Variants in FMO2 observed in about 807,000 individuals in gnomAD.
FMO2 encodes the protein flavin containing dimethylaniline monoxygenase 2.
Under a neutral mutation model 41.6 loss-of-function variants are expected in FMO2, and 33 were observed. The ratio of observed to expected loss-of-function variants is 0.79; its 90% CI spans 0.60 to 1.06. The LOEUF is 1.06. FMO2 is among the 50% of genes least tolerant of loss of function. The probability of loss-of-function intolerance (pLI) is 0.00; values close to 1 mark genes in which losing one functional copy is unlikely to be tolerated. For synonymous variants in FMO2, 214 were observed against 219.6 expected, an observed-to-expected ratio of 0.97 and a Z score of 0.23; for missense variants, 619 against 632.9, an observed-to-expected ratio of 0.98 and a Z score of 0.23.
rs940944872 is a variant in FMO2 at position 171,210,431 on chromosome 1, T to C, written c.*1286T>C. ...CTCTAACATTTGGTAAAAGGAAGTA[T>C]ACTGGTCTGTTAGCAGAGACAAACT... is the stretch of plus-strand genomic sequence containing the variant. On this transcript the variant is annotated 3_prime_UTR_variant, in exon 9 of 9. Coordinates refer to ENST00000209929, the MANE Select transcript of FMO2 (RefSeq NM_001460.5). 2 of 152,210 alleles carry C rather than the reference T, an allele frequency of 1.3e-5. No homozygotes were observed. The highest frequency in any genetic ancestry group is 2.9e-5 in the Non-Finnish European group (2 of 68,032). 9.4% of individuals were successfully genotyped at this position (152,210 alleles called of 1,614,324 possible).
chr1:171,206,630 G>A (rs930180372), intron 7 of FMO2, among the ~76,000 whole-genome samples: 1 of 152,158 alleles, frequency 6.6e-6, no homozygotes, highest in Non-Finnish European at 1.5e-5. Flanking sequence ...CTGGCCAAGG[G>A]ACCTGGAATC....
In FMO2 at chr1:171,205,262, T is replaced by C. The variant is rs1392381629; in HGVS notation, c.828-17T>C. 1.3e-6 allele frequency: 2 copies of C among 1,487,414 alleles called. No individual in the cohort carries two copies. The highest frequency in any genetic ancestry group is 1.4e-5 in the African/African-American group (1 of 71,564). The allele number at this position is 1,487,414 out of a possible 1,614,324, so 92.1% of individuals were successfully genotyped here. Reference sequence around the variant, plus strand: ...AGCAAATGATCCTTCAGAATGTTTTTCTTCTGTATGTCTCAGATACATTAT... The same window carrying C: ...AGCAAATGATCCTTCAGAATGTTTTCCTTCTGTATGTCTCAGATACATTAT... On this transcript the variant is annotated splice_polypyrimidine_tract_variant and intron_variant, in intron 6 of 8. Transcript: ENST00000209929.
chr1:171,207,975 T>C (rs1232081305), intron 8 of FMO2, among the ~76,000 whole-genome samples, 185 bp downstream of exon 8: 1 of 152,208 alleles, frequency 6.6e-6, no homozygotes, highest in Non-Finnish European at 1.5e-5. Context: ...CCTAAGCGAT[T>C]CTTATACATA....
At chr1:171,187,669 CA>C (rs1430321297) in intron 2 of FMO2, among the ~76,000 whole-genome samples, 1 of 148,052 alleles carries the variant, frequency 6.8e-6, no homozygotes, top group African/African-American at 2.5e-5. Flanking sequence ...GATTTGTGGG[CA>C]CTCCATCCCA....
chr1:171,185,683 T>C lies in FMO2; in HGVS notation c.-6-25T>C, dbSNP rs200087825. ...CTTACCGGTTGTCCCAGTTAAGTAA[T>C]GTTGATTGATCAACTCCTTGACAGG... On this transcript the variant is annotated intron_variant, in intron 1 of 8. Transcript: ENST00000209929. 6.6e-5 allele frequency: 107 copies of C among 1,612,778 alleles called. No individual in the cohort carries two copies. In the African/African-American group the frequency reaches 1.3e-3, roughly 20 times the overall value.
chr1:171,199,267 C>A, intron 4 of FMO2, 79 bp from the exon 5 acceptor site: 1 of 1,334,580 alleles, frequency 7.5e-7, no homozygotes, highest in Non-Finnish European at 1.0e-6. Context: ...AAAGGAAAAG[C>A]TGGCAATGCA....
chr1:171,205,782 T>A (rs1658738896), intron 7 of FMO2, 148 bp downstream of exon 7: 2 of 538,656 alleles, frequency 3.7e-6, no homozygotes, highest in Non-Finnish European at 6.5e-6. Context: ...TCTAAAAAGT[T>A]ACTGGAGAAT....
chr1:171,187,101 C>A (rs564150718), intron 2 of FMO2, among the ~76,000 whole-genome samples: 17 of 152,324 alleles, frequency 1.1e-4, no homozygotes, highest in Non-Finnish European at 2.9e-5. Flanking sequence ...ACTGGAGGAA[C>A]TGGCCTTCAA....
intron 5 of FMO2, 151 bp downstream of exon 5, chr1:171,199,639 A>G (rs1658455727): frequency 1.6e-6 from 1 of 629,050 alleles, no homozygotes; most frequent in Non-Finnish European, 2.6e-6. Context: ...GAAGTCAAGA[A>G]ACCACTTTAC....
chr1:171,192,673 G>A (rs1329434848), intron 2 of FMO2, among the ~76,000 whole-genome samples: 2 of 151,764 alleles, frequency 1.3e-5, no homozygotes, highest in East Asian at 3.9e-4. Context: ...GGCTGAGGCA[G>A]GAGAATGCCG....
chr1:171,198,213 GC>G (rs1345985157), intron 4 of FMO2, among the ~76,000 whole-genome samples: 2 of 151,992 alleles, frequency 1.3e-5, no homozygotes, highest in Non-Finnish European at 2.9e-5. Flanking sequence ...CACAGAAGAA[GC>G]TTGTCTGTGA....
chr1:171,193,097 C>T (rs1350307927), intron 2 of FMO2, among the ~76,000 whole-genome samples: 1 of 152,132 alleles, frequency 6.6e-6, no homozygotes, highest in Non-Finnish European at 1.5e-5. Context: ...TGTCCCCAAC[C>T]TCACCATTGC....
At position 171,196,784 on chromosome 1, in the gene FMO2, C is replaced by T. The variant is rs1305667003; in HGVS notation, c.457C>T (p.Pro153Ser). ...VMVCSGHHIL[P>S]HIPLKSFPGM... ...GGTTTGCAGTGGCCACCACATTCTACCTCATATCCCACTGAAGTCATTTCC... is the reference window on the plus strand; with the variant it reads ...GGTTTGCAGTGGCCACCACATTCTATCTCATATCCCACTGAAGTCATTTCC... The change falls in exon 4 of 9, where the codon CCT becomes TCT. Residue 153 changes from proline (P) to serine (S), a missense_variant. By Grantham distance (74) the Pro-to-Ser change is moderately conservative (BLOSUM62 -1). Coordinates refer to ENST00000209929, the MANE Select transcript of FMO2 (RefSeq NM_001460.5). The T allele has an allele frequency of 3.1e-6, 5 of 1,613,446 alleles. No individual in the cohort carries two copies. In the South Asian group the frequency reaches 4.4e-5, roughly 14 times the overall value.
rs993585943 is a variant in FMO2 at position 171,211,732 on chromosome 1, C to T, written c.*2587C>T. On this transcript the variant is annotated 3_prime_UTR_variant, in exon 9 of 9. Transcript: ENST00000209929. ...ATATATCCTGAACATCAAACTATCC[C>T]AGGAAAACCATCTAGAGTAGTTTGT... 1.3e-5 allele frequency among the ~76,000 whole-genome samples: 2 copies of T among 152,124 alleles called. No individual in the cohort carries two copies. The highest frequency in any genetic ancestry group is 4.8e-5 in the African/African-American group (2 of 41,420).
chr1:171,205,238 G>A, intron 6 of FMO2, 41 bp from the exon 7 acceptor site: 2 of 1,313,166 alleles, frequency 1.5e-6, no homozygotes, highest in South Asian at 1.3e-5. Flanking sequence ...AGATTCCTCA[G>A]CAAATGATCC....
intron 2 of FMO2, among the ~76,000 whole-genome samples, chr1:171,190,933 G>T (rs755735961): frequency 4.6e-5 from 7 of 152,098 alleles, no homozygotes; most frequent in Non-Finnish European, 8.8e-5. Flanking sequence ...ATCACCTGAG[G>T]TCGGGAGTTC....
chr1:171,208,645 T>C, intron 8 of FMO2, 149 bp from the exon 9 acceptor site: 1 of 681,856 alleles, frequency 1.5e-6, no homozygotes, highest in Non-Finnish European at 2.4e-6. Context: ...CCTCCTGGTA[T>C]GATAAACTCA....
intron 2 of FMO2, among the ~76,000 whole-genome samples, chr1:171,190,725 G>T (rs527850767): frequency 6.7e-6 from 1 of 148,708 alleles, no homozygotes; most frequent in South Asian, 2.1e-4. Context: ...GGAAAACTAG[G>T]CCAATTTTAC....
Position 171,209,014 on chromosome 1 carries a change from C to A in FMO2, c.1477C>A (p.Gln493Lys). Residue 493 changes from glutamine to lysine, a missense_variant, in exon 9 of 9, where the codon CAA (glutamine) becomes AAA (lysine). Physicochemically the swap from Gln to Lys is moderately conservative, Grantham distance 53 (BLOSUM62 1). Coordinates refer to ENST00000209929, the MANE Select transcript of FMO2 (RefSeq NM_001460.5). Reference sequence around the variant, plus strand: ...CAGAAATGCCATCTTCACCCAGAAACAAAGAATACTGAAGCCACTCAAGAC... The same window carrying A: ...CAGAAATGCCATCTTCACCCAGAAAAAAAGAATACTGAAGCCACTCAAGAC... ...GARNAIFTQKQRILKPLKTRA... is the reference protein window; with the variant it reads ...GARNAIFTQKKRILKPLKTRA... The A allele has an allele frequency of 6.7e-7, 1 of 1,495,750 alleles. No individual in the cohort carries two copies. The allele number at this position is 1,495,750 out of a possible 1,614,324, so 92.7% of individuals were successfully genotyped here. A position where few individuals can be genotyped will look rare whatever the true frequency, so the allele number is the denominator to read the frequency against.
Sources: allele counts gnomAD v4.1 joint callset (sites outside exome capture counted in the v4.1 genomes callset), GRCh38; gene constraint gnomAD v4.1.1; transcripts MANE v1.5; gene names NCBI Gene and HGNC (gene_info 2026-07-23, HGNC 2026-07-21).